Variants in LTF observed in about 807,000 individuals in gnomAD.
The protein encoded by LTF is lactotransferrin.
In LTF, 91 loss-of-function variants were observed where a neutral mutation model predicts 87.2. The observed-to-expected ratio is 1.04, with a 90% CI of 0.88 to 1.24. The LOEUF (loss-of-function observed/expected upper bound fraction) is 1.24, where lower values mean the gene tolerates loss of function less well. Ranked by LOEUF, LTF falls within the 50% of genes most tolerant of loss-of-function variation. The probability of loss-of-function intolerance (pLI) is 0.00; values close to 1 mark genes in which losing one functional copy is unlikely to be tolerated. For missense variants in LTF, 901 were observed against 904.3 expected (o/e 1.00, Z 0.05); for synonymous variants, 378 against 356.1 (o/e 1.06, Z -0.69).
intron 12 of LTF, 40 bp from the exon 13 acceptor site, chr3:46,443,622 G>A: frequency 6.2e-7 from 1 of 1,610,940 alleles, no homozygotes; most frequent in East Asian, 2.2e-5. Flanking sequence ...CTTCAAACCT[G>A]AGTCCACACA....
At chr3:46,477,021 T>C (rs1164058982) in intron 1 of LTF, among the ~76,000 whole-genome samples, 4 of 152,258 alleles carry the variant, frequency 2.6e-5, no homozygotes, top group Non-Finnish European at 5.9e-5. Context: ...CTGTTGGTCA[T>C]GTACTTAGGA....
At chr3:46,465,523 T>C (rs528806906), upstream of LTF, among the ~76,000 whole-genome samples, 3 of 151,990 alleles carry the variant, frequency 2.0e-5, no homozygotes, top group East Asian at 5.8e-4. Flanking sequence ...CAGAGGGGAA[T>C]GGCCACCACC....
Position 46,455,559 on chromosome 3 carries a change from G to A in LTF, c.500-117C>T, listed in dbSNP as rs867144377. 551 of 1,327,790 alleles carry A rather than the reference G, an allele frequency of 4.1e-4. No homozygotes were observed. The Middle Eastern group carries it at 7.3e-3, about 18-fold the overall frequency. 82.3% of individuals were successfully genotyped at this position (1,327,790 alleles called of 1,614,324 possible). A position where few individuals can be genotyped will look rare whatever the true frequency, so the allele number is the denominator to read the frequency against. On this transcript the variant is annotated intron_variant, in intron 4 of 16. Coordinates refer to ENST00000231751, the MANE Select transcript of LTF (RefSeq NM_002343.6). ...CCCCTTCCTCCACCCCTGCAGGAGA[G>A]ACTCTGTCATGGGGCTGGGAGCTCG... is the stretch of plus-strand genomic sequence containing the variant.
chr3:46,454,418 G>A (rs369234395), intron 5 of LTF, 58 bp from the exon 6 acceptor site: 23 of 1,391,788 alleles, frequency 1.7e-5, no homozygotes, highest in South Asian at 1.2e-4. Context: ...GCCCCTCCCT[G>A]TGGAACAGTA....
intron 1 of LTF, among the ~76,000 whole-genome samples, chr3:46,475,017 A>C (rs1703341069): frequency 6.6e-6 from 1 of 152,222 alleles, no homozygotes; most frequent in Non-Finnish European, 1.5e-5. Flanking sequence ...GCCTCATATC[A>C]GTAATCTAAA....
At chr3:46,460,878 A>G (rs1178612664) in intron 1 of LTF, among the ~76,000 whole-genome samples, 1 of 152,254 alleles carries the variant, frequency 6.6e-6, no homozygotes, top group Non-Finnish European at 1.5e-5. Flanking sequence ...ACAGGATACA[A>G]GATCAATATA....
intron 13 of LTF, among the ~76,000 whole-genome samples, chr3:46,443,082 G>A (rs113890833): frequency 0.16 from 23,712 of 152,190 alleles, 2,087 homozygotes; most frequent in African/African-American, 0.22. Flanking sequence ...GAAAAGGGGC[G>A]GCGATGGGAA....
intron 9 of LTF, among the ~76,000 whole-genome samples, chr3:46,447,956 T>G (rs1031468601): frequency 2.0e-5 from 3 of 152,140 alleles, no homozygotes; most frequent in South Asian, 4.1e-4. Context: ...AGATTTCTAC[T>G]CAAGAATGCT....
intron 1 of LTF, among the ~76,000 whole-genome samples, chr3:46,479,548 G>C (rs984836825): frequency 6.6e-6 from 1 of 151,812 alleles, no homozygotes; most frequent in Non-Finnish European, 1.5e-5. Flanking sequence ...GTTTGTGACA[G>C]AGTCTCGCTC....
intron 6 of LTF, among the ~76,000 whole-genome samples, chr3:46,453,397 T>G (rs375851275): frequency 3.1e-4 from 47 of 152,110 alleles, no homozygotes; most frequent in Non-Finnish European, 5.9e-4. Context: ...TGATCCTGGG[T>G]GCATGTGGGG....
In LTF at chr3:46,449,893, C is replaced by T; in HGVS notation, c.1018G>A (p.Gly340Ser). 6.2e-7 allele frequency: 1 copy of T among 1,614,096 alleles called. No individual in the cohort carries two copies. The highest frequency in any genetic ancestry group is 8.5e-7 in the Non-Finnish European group (1 of 1,180,004). The change falls in exon 8 of 17, where the codon GGC becomes AGC. Residue 340 changes from glycine to serine, a missense_variant. Physicochemically the swap from Gly to Ser is moderately conservative, Grantham distance 56. Coordinates refer to ENST00000231751, the MANE Select transcript of LTF (RefSeq NM_002343.6). The stretch of plus-strand genomic sequence containing the variant: ...TGGATGGCAGTGAAGTAGCCGGAGC[C>T]AAGGTACAGCCCAGAATCTATCCTC... ...PPRIDSGLYL[G>S]SGYFTAIQNL...
intron 1 of LTF, among the ~76,000 whole-genome samples, chr3:46,481,105 G>A (rs1268504330): frequency 6.6e-6 from 1 of 152,146 alleles, no homozygotes; most frequent in Non-Finnish European, 1.5e-5. Context: ...AACTCTCAGG[G>A]CCATTTGAGT....
At chr3:46,441,535 G>A (rs766508455) in intron 13 of LTF, 52 bp from the exon 14 acceptor site, 4 of 1,320,270 alleles carry the variant, frequency 3.0e-6, no homozygotes, top group South Asian at 2.5e-5. Flanking sequence ...AACTAGTGGG[G>A]CTTTCATAAA....
intron 11 of LTF, among the ~76,000 whole-genome samples, chr3:46,445,848 G>A (rs1453811563): frequency 3.3e-5 from 5 of 152,174 alleles, no homozygotes; most frequent in African/African-American, 9.6e-5. Context: ...GCCAGCTAAC[G>A]GCTGTGTGGG....
At chr3:46,466,216 G>A (rs1053625522), upstream of LTF, among the ~76,000 whole-genome samples, 1 of 151,904 alleles carries the variant, frequency 6.6e-6, no homozygotes, top group Non-Finnish European at 1.5e-5. Flanking sequence ...CTGCAGCCTG[G>A]GCAATAGAGT....
intron 11 of LTF, among the ~76,000 whole-genome samples, chr3:46,446,111 T>C (rs1702647519): frequency 6.6e-6 from 1 of 151,962 alleles, no homozygotes; most frequent in South Asian, 2.1e-4. Flanking sequence ...CAGTATTACC[T>C]ATGGCTGTGA....
rs1702511850 is a variant in LTF, at chr3:46,441,423, G to A, written c.1716C>T (p.Asn572=). 1 of 1,612,618 alleles carries A rather than the reference G, an allele frequency of 6.2e-7. No individual in the cohort carries two copies. Among genetic ancestry groups the A allele is most frequent in the Admixed American group, 1.7e-5 (1 of 59,802 alleles). The change falls in exon 14 of 17, where the codon AAC becomes AAT. Residue 572 remains asparagine, a synonymous_variant. Coordinates refer to ENST00000231751, the MANE Select transcript of LTF (RefSeq NM_002343.6). The part of the protein sequence containing the change: ...AFVKDVTVLQ[N]TDGNNNEAWA... The stretch of plus-strand genomic sequence containing the variant: ...GGAAACACCTTCACCTACCATCAGT[G>A]TTCTGCAAGACAGTGACATCTTTCA...
intron 13 of LTF, 65 bp downstream of exon 13, chr3:46,443,376 G>A (rs1272917277): frequency 1.9e-6 from 3 of 1,581,892 alleles, no homozygotes; most frequent in African/African-American, 2.7e-5. Context: ...CCTTAGAACT[G>A]CAATGCTGAC....
At chr3:46,479,355 T>C (rs1420048131) in intron 1 of LTF, among the ~76,000 whole-genome samples, 1 of 152,180 alleles carries the variant, frequency 6.6e-6, no homozygotes, top group East Asian at 1.9e-4. Flanking sequence ...TGTGGGGCCC[T>C]GTGGGTACCT....
Sources: allele counts gnomAD v4.1 joint callset (sites outside exome capture counted in the v4.1 genomes callset), GRCh38; gene constraint gnomAD v4.1.1; transcripts MANE v1.5; gene names NCBI Gene and HGNC (gene_info 2026-07-23, HGNC 2026-07-21).